Variants in SEMA5A observed in about 807,000 individuals in gnomAD.
The protein encoded by SEMA5A is semaphorin 5A, also known as semaphorin-5A.
Under a neutral mutation model 135.5 loss-of-function variants are expected in SEMA5A, and 55 were observed. That is an observed-to-expected ratio of 0.41 (90% confidence interval 0.33 to 0.51). The LOEUF (loss-of-function observed/expected upper bound fraction) is 0.51. Among genes scored for constraint, SEMA5A ranks in the 20% least tolerant of loss-of-function variants. SEMA5A has a pLI of 0.37. For missense variants in SEMA5A, 1,290 were observed against 1,419.9 expected, an observed-to-expected ratio of 0.91 and a Z score of 1.47; for synonymous variants, 580 against 546.5, an observed-to-expected ratio of 1.06 and a Z score of -0.85.
chr5:9,122,293 T>C (rs1205959556), intron 14 of SEMA5A, among the ~76,000 whole-genome samples: 3 of 152,176 alleles, frequency 2.0e-5, no homozygotes, highest in Non-Finnish European at 4.4e-5. Context: ...AGGACTTGGC[T>C]TCTTCTACCT....
intron 4 of SEMA5A, among the ~76,000 whole-genome samples, chr5:9,319,825 G>A (rs970546983): frequency 4.2e-5 from 5 of 119,366 alleles, no homozygotes; most frequent in East Asian, 3.0e-4. Flanking sequence ...TTTCACTATC[G>A]TGGGCGGGGG....
At chr5:9,067,660 T>C (rs1737550689) in intron 16 of SEMA5A, among the ~76,000 whole-genome samples, 1 of 152,248 alleles carries the variant, frequency 6.6e-6, no homozygotes, top group East Asian at 1.9e-4. Context: ...CTTATCTCCA[T>C]AGAGCTAAAC....
At chr5:9,360,129 T>A (rs1379746241) in intron 3 of SEMA5A, among the ~76,000 whole-genome samples, 3 of 152,228 alleles carry the variant, frequency 2.0e-5, no homozygotes, top group Non-Finnish European at 2.9e-5. Flanking sequence ...GATGAACCAC[T>A]GGCCTTTGCA....
At chr5:9,386,549 C>G in intron 2 of SEMA5A, among the ~76,000 whole-genome samples, 1 of 152,172 alleles carries the variant, frequency 6.6e-6, no homozygotes, top group East Asian at 1.9e-4. Context: ...TCATGAGCCC[C>G]TCATCTGTCT....
intron 18 of SEMA5A, among the ~76,000 whole-genome samples, chr5:9,061,814 C>T (rs990958008): frequency 2.6e-5 from 4 of 152,262 alleles, no homozygotes; most frequent in East Asian, 3.9e-4. Flanking sequence ...GAAGAGTTTG[C>T]GTCTTTGGAG....
intron 1 of SEMA5A, among the ~76,000 whole-genome samples, chr5:9,463,360 T>C (rs1292271611): frequency 1.3e-5 from 2 of 152,160 alleles, no homozygotes; most frequent in Admixed American, 6.5e-5. Flanking sequence ...TTATGGTATC[T>C]CCTAAATATT....
chr5:9,082,866 G>T (rs1579359210), intron 16 of SEMA5A, among the ~76,000 whole-genome samples: 1 of 152,066 alleles, frequency 6.6e-6, no homozygotes, highest in Admixed American at 6.5e-5. Context: ...CCACAGCAGG[G>T]TGCATTTATC....
intron 10 of SEMA5A, among the ~76,000 whole-genome samples, chr5:9,195,670 A>C (rs1290911841): frequency 1.3e-5 from 2 of 152,242 alleles, no homozygotes; most frequent in Non-Finnish European, 1.5e-5. Flanking sequence ...CAGCACATGG[A>C]AAGATGACAT....
intron 5 of SEMA5A, among the ~76,000 whole-genome samples, chr5:9,269,704 T>C (rs936831031): frequency 6.6e-6 from 1 of 152,158 alleles, no homozygotes; most frequent in African/African-American, 2.4e-5. Context: ...GGTGGTGACC[T>C]TAAGGCTTCT....
chr5:9,322,734 C>T (rs1375562872), intron 4 of SEMA5A, among the ~76,000 whole-genome samples: 1 of 152,128 alleles, frequency 6.6e-6, no homozygotes. Flanking sequence ...GGATTAGAAA[C>T]AAGCCCCCCG....
intron 2 of SEMA5A, among the ~76,000 whole-genome samples, chr5:9,433,070 TC>T (rs1323619444): frequency 1.3e-5 from 2 of 152,190 alleles, no homozygotes; most frequent in South Asian, 4.1e-4. Context: ...GAAGTGTGTT[TC>T]TGGGATTTTC....
At chr5:9,252,080 C>T (rs1022419966) in intron 5 of SEMA5A, among the ~76,000 whole-genome samples, 1 of 152,166 alleles carries the variant, frequency 6.6e-6, no homozygotes, top group Non-Finnish European at 1.5e-5. Context: ...TCCCAGATTC[C>T]TAATTCCTTC....
chr5:9,512,503 A>G (rs1166286349), intron 1 of SEMA5A, among the ~76,000 whole-genome samples: 2 of 152,164 alleles, frequency 1.3e-5, no homozygotes, highest in African/African-American at 4.8e-5. Context: ...CTAACTCATA[A>G]TCCGGTGTTA....
chr5:9,377,724 A>T (rs570206952), intron 3 of SEMA5A, among the ~76,000 whole-genome samples: 2 of 152,314 alleles, frequency 1.3e-5, no homozygotes, highest in African/African-American at 4.8e-5. Context: ...AAGATGGGAA[A>T]GGTTAACAAA....
At chr5:9,197,785 T>TGTGTGTGTGTGTATGTG (rs1561011433) in intron 9 of SEMA5A, among the ~76,000 whole-genome samples, 7 of 117,852 alleles carry the variant, frequency 5.9e-5, no homozygotes, top group Admixed American at 9.6e-5. Flanking sequence ...TGTGTGTGTG[T>TGTGTGTGTGTGTATGTG]TTTAACCCAG....
At chr5:9,267,798 G>A (rs1274268570) in intron 5 of SEMA5A, among the ~76,000 whole-genome samples, 2 of 152,112 alleles carry the variant, frequency 1.3e-5, no homozygotes, top group East Asian at 3.9e-4. Flanking sequence ...TAAGGAAAGA[G>A]ATGAGAAAAG....
intron 16 of SEMA5A, among the ~76,000 whole-genome samples, chr5:9,092,891 C>G (rs1193031347): frequency 6.6e-6 from 1 of 152,132 alleles, no homozygotes; most frequent in Non-Finnish European, 1.5e-5. Flanking sequence ...ATTCACTACC[C>G]TACACTCTGC....
At chr5:9,198,706 C>A (rs1326329620) in intron 9 of SEMA5A, among the ~76,000 whole-genome samples, 1 of 152,154 alleles carries the variant, frequency 6.6e-6, no homozygotes, top group Non-Finnish European at 1.5e-5. Flanking sequence ...TCTTTTGACT[C>A]TTCATTATCC....
chr5:9,430,587 G>C (rs1401691457), intron 2 of SEMA5A, among the ~76,000 whole-genome samples: 1 of 152,090 alleles, frequency 6.6e-6, no homozygotes, highest in Non-Finnish European at 1.5e-5. Context: ...CCAGAGAAAT[G>C]GAGCATCCTA....
Sources: gnomAD v4.1 joint callset for allele counts (sites outside exome capture counted in the v4.1 genomes callset) on GRCh38, gnomAD v4.1.1 for gene constraint, MANE v1.5 for transcripts, NCBI Gene and HGNC (gene_info 2026-07-23, HGNC 2026-07-21) for gene names.